VPS13B: variants seen among roughly 807,000 people sequenced by gnomAD.
VPS13B encodes the protein intermembrane lipid transfer protein VPS13B.
VPS13B carries 285 observed loss-of-function variants against 426.4 expected under a neutral mutation model. The observed-to-expected ratio is 0.67, with a 90% CI of 0.61 to 0.74. The LOEUF (loss-of-function observed/expected upper bound fraction) is 0.74. Among genes scored for constraint, VPS13B ranks in the 30% least tolerant of loss-of-function variants. The pLI, the probability that VPS13B is intolerant of heterozygous loss-of-function variation, is 0.00. For missense variants in VPS13B, 4,537 were observed against 4,782.6 expected, an observed-to-expected ratio of 0.95 and a Z score of 1.51; for synonymous variants, 1,676 against 1,676.4, an observed-to-expected ratio of 1.00 and a Z score of 0.01.
intron 3 of VPS13B, among the ~76,000 whole-genome samples, chr8:99,096,088 A>G (rs1846401157): frequency 6.6e-6 from 1 of 152,226 alleles, no homozygotes; most frequent in African/African-American, 2.4e-5. Context: ...CAGCTAAAGA[A>G]AGAAGAATTT....
At chr8:99,616,241 T>A (rs1828080215) in intron 33 of VPS13B, among the ~76,000 whole-genome samples, 1 of 152,204 alleles carries the variant, frequency 6.6e-6, no homozygotes. Flanking sequence ...GACATTTATT[T>A]CATGCAACAA....
intron 19 of VPS13B, among the ~76,000 whole-genome samples, chr8:99,370,765 A>G (rs1813134474): frequency 1.3e-5 from 2 of 151,982 alleles, no homozygotes; most frequent in South Asian, 4.1e-4. Flanking sequence ...GTGTACCACC[A>G]TGCCCGACTA....
intron 21 of VPS13B, among the ~76,000 whole-genome samples, chr8:99,430,677 C>A (rs1817042949): frequency 6.6e-6 from 1 of 151,182 alleles, no homozygotes; most frequent in African/African-American, 2.4e-5. Context: ...TAATCACATA[C>A]CTCTTTTGGT....
intron 16 of VPS13B, among the ~76,000 whole-genome samples, chr8:99,183,463 C>T (rs1813057136): frequency 6.6e-6 from 1 of 152,114 alleles, no homozygotes; most frequent in Non-Finnish European, 1.5e-5. Flanking sequence ...TTGGTCTCTG[C>T]ATGGCAGATG....
At chr8:99,063,861 C>T (rs1022679989) in intron 3 of VPS13B, among the ~76,000 whole-genome samples, 18 of 152,100 alleles carry the variant, frequency 1.2e-4, no homozygotes, top group African/African-American at 2.9e-4. Flanking sequence ...CCCTCTGGGA[C>T]GGAGCTTCCA....
chr8:99,855,911 A>G (rs963101380), intron 56 of VPS13B, among the ~76,000 whole-genome samples: 3 of 152,238 alleles, frequency 2.0e-5, no homozygotes, highest in African/African-American at 4.8e-5. Context: ...AGATGGGTGT[A>G]TTTATAAACA....
chr8:99,512,706 A>G (rs1222493551), intron 29 of VPS13B, among the ~76,000 whole-genome samples: 2 of 152,148 alleles, frequency 1.3e-5, no homozygotes, highest in African/African-American at 4.8e-5. Context: ...GGGGTAGGTC[A>G]TTACATTTAA....
intron 31 of VPS13B, among the ~76,000 whole-genome samples, chr8:99,572,397 G>C (rs1181602042): frequency 6.6e-6 from 1 of 152,070 alleles, no homozygotes; most frequent in African/African-American, 2.4e-5. Flanking sequence ...TGCCATGTTG[G>C]TTTGCTGCAC....
chr8:99,218,549 C>T (rs928634425), intron 17 of VPS13B, among the ~76,000 whole-genome samples: 7 of 152,142 alleles, frequency 4.6e-5, no homozygotes, highest in African/African-American at 1.7e-4. Context: ...GATTAGATAG[C>T]GAACATGGAA....
At chr8:99,619,812 A>C (rs1165819743) in intron 33 of VPS13B, among the ~76,000 whole-genome samples, 2 of 151,836 alleles carry the variant, frequency 1.3e-5, no homozygotes, top group Non-Finnish European at 2.9e-5. Context: ...TGGAGGTTGT[A>C]TGCAGTGTGC....
At chr8:99,484,755 C>T (rs1252559866) in intron 25 of VPS13B, among the ~76,000 whole-genome samples, 1 of 151,662 alleles carries the variant, frequency 6.6e-6, no homozygotes, top group Non-Finnish European at 1.5e-5. Context: ...ACAAACACCT[C>T]CTTATAGGTT....
chr8:99,305,566 G>T (rs1820593063), intron 19 of VPS13B, among the ~76,000 whole-genome samples: 1 of 151,966 alleles, frequency 6.6e-6, no homozygotes, highest in African/African-American at 2.4e-5. Flanking sequence ...CAAACAATAT[G>T]ATCATTAGTT....
Position 99,684,335 on chromosome 8 carries a change from T to G in VPS13B, c.6047-15190T>G, listed in dbSNP as rs542181553. Reference sequence around the variant, plus strand: ...ATAAAATGAATTAAGAAGTATTCTCTCCTCTTCTATTTCCTGGAGGACAGG... The same window carrying G: ...ATAAAATGAATTAAGAAGTATTCTCGCCTCTTCTATTTCCTGGAGGACAGG... On this transcript the variant is annotated intron_variant, in intron 35 of 61. Transcript: ENST00000357162. 2.1e-3 allele frequency among the ~76,000 whole-genome samples: 323 copies of G among 152,346 alleles called. 2 individuals are homozygous for G. Among genetic ancestry groups the G allele is most frequent in the Middle Eastern group, 0.01 (3 of 292 alleles).
At chr8:99,672,064 A>G (rs1271481353) in intron 35 of VPS13B, among the ~76,000 whole-genome samples, 1 of 152,122 alleles carries the variant, frequency 6.6e-6, no homozygotes, top group East Asian at 1.9e-4. Flanking sequence ...TGATGCTTCT[A>G]GCTTTGTTCC....
chr8:99,077,766 T>G (rs1845215152), intron 3 of VPS13B, among the ~76,000 whole-genome samples: 1 of 152,168 alleles, frequency 6.6e-6, no homozygotes, highest in Non-Finnish European at 1.5e-5. Context: ...GAAATTTGTA[T>G]GGCTCTTGCA....
At chr8:99,426,945 T>C (rs1403468711) in intron 21 of VPS13B, among the ~76,000 whole-genome samples, 81 of 36,556 alleles carry the variant, frequency 2.2e-3, no homozygotes, top group Non-Finnish European at 3.3e-3. Context: ...ATTTTGGCTT[T>C]TGTTGCCATT....
intron 33 of VPS13B, among the ~76,000 whole-genome samples, chr8:99,600,088 C>T (rs1299004673): frequency 6.6e-6 from 1 of 152,118 alleles, no homozygotes; most frequent in Non-Finnish European, 1.5e-5. Context: ...CAGCTTTTGT[C>T]AGAATGTGTA....
chr8:99,106,052 CTAT>C (rs953922394), intron 5 of VPS13B, among the ~76,000 whole-genome samples: 1 of 151,948 alleles, frequency 6.6e-6, no homozygotes, highest in Non-Finnish European at 1.5e-5. Context: ...GAGGAAGAAA[CTAT>C]TATTTTCCCT....
rs576635810 is a variant in VPS13B at position 99,438,624 on chromosome 8, TGACAACCAA to T, written c.3211-3767_3211-3759del. Among the ~76,000 whole-genome samples the T allele has an allele frequency of 8.5e-5, 13 of 152,268 alleles. No individual in the cohort carries two copies. In the South Asian group the frequency reaches 2.5e-3, roughly 29 times the overall value. ...TTTATAACACTTACTCTGGAAAGGA[TGACAACCAA>T]GACAACCAACTGTAGGCTTTTAATC... On this transcript the variant is annotated intron_variant, in intron 22 of 61. Coordinates refer to ENST00000357162, the MANE Select transcript of VPS13B (RefSeq NM_152564.5).
Sources: allele counts gnomAD v4.1 joint callset (sites outside exome capture counted in the v4.1 genomes callset), GRCh38; gene constraint gnomAD v4.1.1; transcripts MANE v1.5; gene names NCBI Gene and HGNC (gene_info 2026-07-23, HGNC 2026-07-21).